Variants in CPNE4 observed in about 807,000 individuals in gnomAD.
CPNE4 encodes the protein copine 4, also known as copine-4.
A neutral mutation model predicts 67.9 loss-of-function variants in CPNE4; 25 were observed. The observed-to-expected ratio is 0.37, with a 90% CI of 0.27 to 0.51. The LOEUF (loss-of-function observed/expected upper bound fraction) is 0.51. Ranked by LOEUF, CPNE4 falls within the 20% of genes least tolerant of loss-of-function variation. CPNE4 has a pLI of 0.93. For missense variants in CPNE4, 464 were observed against 690.8 expected (o/e 0.67, Z 3.68); for synonymous variants, 242 against 244.9 (o/e 0.99, Z 0.11).
chr3:131,895,147 CT>C (rs1164217773), intron 2 of CPNE4, among the ~76,000 whole-genome samples: 1 of 151,840 alleles, frequency 6.6e-6, no homozygotes. Context: ...TATGTAGAAT[CT>C]TTTTTTAAGA....
At chr3:131,776,324 ACAGAGTTT>A (rs2083290159) in intron 2 of CPNE4, among the ~76,000 whole-genome samples, 1 of 141,146 alleles carries the variant, frequency 7.1e-6, no homozygotes, top group South Asian at 2.3e-4. Flanking sequence ...ATTTCAAGAA[ACAGAGTTT>A]CACTGATAGC....
intron 7 of CPNE4, among the ~76,000 whole-genome samples, chr3:131,654,213 C>T (rs1458905261): frequency 1.3e-5 from 2 of 151,846 alleles, no homozygotes; most frequent in Non-Finnish European, 2.9e-5. Flanking sequence ...TATTTTTTTC[C>T]CTACCTAAGA....
intron 2 of CPNE4, among the ~76,000 whole-genome samples, chr3:131,859,568 C>G (rs796960939): frequency 1.2e-4 from 18 of 152,226 alleles, no homozygotes; most frequent in African/African-American, 4.3e-4. Context: ...ACACCCAGGC[C>G]ACACTCCAGG....
chr3:131,762,254 G>T (rs1242130673), intron 2 of CPNE4, among the ~76,000 whole-genome samples: 1 of 152,108 alleles, frequency 6.6e-6, no homozygotes, highest in Non-Finnish European at 1.5e-5. Flanking sequence ...CAGGAAGACA[G>T]TGTCTAAATC....
intron 7 of CPNE4, among the ~76,000 whole-genome samples, chr3:131,589,477 C>T (rs1481882645): frequency 6.6e-6 from 1 of 152,206 alleles, no homozygotes; most frequent in Non-Finnish European, 1.5e-5. Context: ...TTGGATAGTG[C>T]CCACCCATGT....
intron 5 of CPNE4, among the ~76,000 whole-genome samples, chr3:131,693,337 T>C (rs1044085126): frequency 2.6e-5 from 4 of 152,192 alleles, no homozygotes; most frequent in Admixed American, 2.0e-4. Flanking sequence ...TATAAAACTG[T>C]TAAATTGTTA....
At chr3:131,626,413 C>T (rs1390719774) in intron 7 of CPNE4, among the ~76,000 whole-genome samples, 4 of 152,160 alleles carry the variant, frequency 2.6e-5, no homozygotes, top group Admixed American at 6.5e-5. Flanking sequence ...AGACTTTTTG[C>T]TGATAGGGAG....
At chr3:131,683,210 C>T (rs1004862040) in intron 6 of CPNE4, among the ~76,000 whole-genome samples, 7 of 152,166 alleles carry the variant, frequency 4.6e-5, no homozygotes, top group Non-Finnish European at 1.0e-4. Context: ...CAGAATATCT[C>T]CCAATAGCCA....
intron 11 of CPNE4, among the ~76,000 whole-genome samples, chr3:131,561,618 GAA>G (rs1432657283): frequency 6.6e-6 from 1 of 151,998 alleles, no homozygotes; most frequent in African/African-American, 2.4e-5. Flanking sequence ...AAGGCAAAAA[GAA>G]AACTCTTGGC....
At position 131,723,470 on chromosome 3, in the gene CPNE4, A is replaced by T; in HGVS notation, c.336T>A (p.Gly112=). The stretch of plus-strand genomic sequence containing the variant: ...CCTGGCCAAGTGTGCACTCCATGCC[A>T]CCAAGGAAGTCGGCCTCCTTCAGCC... ...HNGLKEADFL[G]GMECTLGQIV... Residue 112 remains glycine (G), a synonymous_variant, in exon 3 of 16, where the codon GGT becomes GGA. Coordinates refer to ENST00000429747, the MANE Select transcript of CPNE4 (RefSeq NM_130808.3). 3 of 1,613,112 alleles carry T rather than the reference A, an allele frequency of 1.9e-6. No individual in the cohort carries two copies. Among genetic ancestry groups the T allele is most frequent in the African/African-American group, 1.3e-5 (1 of 75,008 alleles).
chr3:131,977,819 A>G (rs1325387902), intron 1 of CPNE4, among the ~76,000 whole-genome samples: 1 of 151,446 alleles, frequency 6.6e-6, no homozygotes, highest in African/African-American at 2.4e-5. Flanking sequence ...GTAGTCTTTT[A>G]TCCCTCATCC....
chr3:131,655,160 C>CATGCT (rs1464729271), intron 7 of CPNE4, among the ~76,000 whole-genome samples: 1 of 152,190 alleles, frequency 6.6e-6, no homozygotes, highest in Admixed American at 6.5e-5. Flanking sequence ...CTATATGAAT[C>CATGCT]ATGCTTTACG....
chr3:131,632,396 A>G (rs73001228), intron 7 of CPNE4, among the ~76,000 whole-genome samples: 41,937 of 152,030 alleles, frequency 0.28, 9,518 homozygotes, highest in African/African-American at 0.63. Context: ...CAGAGAGGCT[A>G]AGTACCTTGC....
At chr3:131,623,727 G>A (rs1247516229) in intron 7 of CPNE4, among the ~76,000 whole-genome samples, 4 of 152,194 alleles carry the variant, frequency 2.6e-5, no homozygotes, top group Admixed American at 6.5e-5. Context: ...TTGCATCCCA[G>A]ACTTATTGAA....
At chr3:131,961,174 A>G (rs138189590) in intron 1 of CPNE4, among the ~76,000 whole-genome samples, 1 of 152,374 alleles carries the variant, frequency 6.6e-6, no homozygotes, top group East Asian at 1.9e-4. Context: ...GTTAAAAAGA[A>G]GAAGAAACAG....
intron 1 of CPNE4, among the ~76,000 whole-genome samples, chr3:131,978,558 ATG>A (rs1295689554): frequency 4.4e-5 from 4 of 90,854 alleles, no homozygotes; most frequent in Non-Finnish European, 6.3e-5. Context: ...ATATATATAT[ATG>A]CCACAGTTTC....
At chr3:131,847,407 T>C (rs945188129) in intron 2 of CPNE4, among the ~76,000 whole-genome samples, 3 of 152,208 alleles carry the variant, frequency 2.0e-5, no homozygotes, top group Non-Finnish European at 2.9e-5. Flanking sequence ...CTGAATAATT[T>C]ATCTTCCTGC....
chr3:131,588,563 G>A (rs914441549), intron 7 of CPNE4, among the ~76,000 whole-genome samples: 1 of 152,082 alleles, frequency 6.6e-6, no homozygotes, highest in Admixed American at 6.6e-5. Flanking sequence ...CCCACTGGCC[G>A]GTCTTGCCTG....
intron 1 of CPNE4, among the ~76,000 whole-genome samples, chr3:131,975,357 T>A (rs1200858052): frequency 6.6e-6 from 1 of 152,166 alleles, no homozygotes; most frequent in Non-Finnish European, 1.5e-5. Context: ...GTTGGCAACT[T>A]GAGTGAGTTA....
Sources: gnomAD v4.1 joint callset for allele counts (sites outside exome capture counted in the v4.1 genomes callset) on GRCh38, gnomAD v4.1.1 for gene constraint, MANE v1.5 for transcripts, NCBI Gene and HGNC (gene_info 2026-07-23, HGNC 2026-07-21) for gene names.